The following KLHL32 variants were observed in gnomAD, a reference collection of about 807,000 sequenced individuals.
KLHL32 encodes the protein kelch like family member 32.
Under a neutral mutation model 64.8 loss-of-function variants are expected in KLHL32, and 35 were observed. The ratio of observed to expected loss-of-function variants is 0.54; its 90% CI spans 0.41 to 0.72. The LOEUF is 0.72. Among genes scored for constraint, KLHL32 ranks in the 30% least tolerant of loss-of-function variants. The probability of loss-of-function intolerance (pLI) is 0.00; values close to 1 mark genes in which losing one functional copy is unlikely to be tolerated. For missense variants in KLHL32, 589 were observed against 768.5 expected (o/e 0.77, Z 2.76); for synonymous variants, 259 against 281.0 (o/e 0.92, Z 0.78).
chr6:97,073,919 C>A (rs1458170245), intron 5 of KLHL32, among the ~76,000 whole-genome samples: 1 of 152,144 alleles, frequency 6.6e-6, no homozygotes, highest in Non-Finnish European at 1.5e-5. Context: ...AGGCTACCAA[C>A]CTTTTTCCTG....
chr6:97,130,002 G>C (rs747307391), intron 8 of KLHL32, among the ~76,000 whole-genome samples: 69 of 152,230 alleles, frequency 4.5e-4, no homozygotes, highest in Non-Finnish European at 8.7e-4. Context: ...TATTAAAGGA[G>C]GCTGATAAAA....
intron 1 of KLHL32, among the ~76,000 whole-genome samples, chr6:96,958,014 G>A (rs1043716451): frequency 6.6e-6 from 1 of 152,168 alleles, no homozygotes; most frequent in Non-Finnish European, 1.5e-5. Flanking sequence ...AGTCCATGAG[G>A]ATTTAAAACA....
chr6:97,105,321 C>T, intron 6 of KLHL32: 2 of 399,028 alleles, frequency 5.0e-6, no homozygotes, highest in South Asian at 3.8e-5. Flanking sequence ...AACACGCTTT[C>T]CTGGCTTCCT....
At chr6:96,928,561 T>G (rs995924930) in intron 1 of KLHL32, among the ~76,000 whole-genome samples, 5 of 152,058 alleles carry the variant, frequency 3.3e-5, no homozygotes, top group African/African-American at 9.7e-5. Context: ...GAACATAAAG[T>G]CAAGGGACAA....
chr6:97,035,567 C>G (rs531203606), intron 3 of KLHL32, among the ~76,000 whole-genome samples: 2 of 152,138 alleles, frequency 1.3e-5, no homozygotes, highest in African/African-American at 4.8e-5. Flanking sequence ...GAAAGACTTT[C>G]TCTTTCATTT....
At chr6:97,027,686 T>C (rs1782936815) in intron 3 of KLHL32, among the ~76,000 whole-genome samples, 1 of 152,220 alleles carries the variant, frequency 6.6e-6, no homozygotes, top group African/African-American at 2.4e-5. Flanking sequence ...CCACTTTCTT[T>C]CTTTTGAAAT....
the KLHL32 span, among the ~76,000 whole-genome samples, chr6:96,907,184 A>T: frequency 0.23 from 34,242 of 152,102 alleles, 3,981 homozygotes; most frequent in Admixed American, 0.32. Context: ...TGATTATGAA[A>T]ATTTCAAACA....
At chr6:97,043,567 TGGC>T (rs1785455459) in intron 4 of KLHL32, among the ~76,000 whole-genome samples, 1 of 152,204 alleles carries the variant, frequency 6.6e-6, no homozygotes, top group Non-Finnish European at 1.5e-5. Flanking sequence ...TCAGTTCCTT[TGGC>T]TATTACCCAG....
chr6:97,032,619 T>C (rs1783718364), intron 3 of KLHL32, among the ~76,000 whole-genome samples: 1 of 152,202 alleles, frequency 6.6e-6, no homozygotes, highest in Admixed American at 6.5e-5. Context: ...TGAGTCCTGC[T>C]GTATATACGG....
At position 97,127,502 on chromosome 6, in the gene KLHL32, G is replaced by T. The variant is rs192536856; in HGVS notation, c.1413+40G>T. On this transcript the variant is annotated intron_variant, in intron 8 of 10. Coordinates refer to ENST00000369261, the MANE Select transcript of KLHL32 (RefSeq NM_052904.4). ...AGAACACCTCATTATCTTAATTAAT[G>T]AATTTTAAAAGATTCCAGAGTAATT... The T allele has an allele frequency of 2.0e-6, 3 of 1,511,880 alleles. No homozygotes were observed. In the East Asian group the frequency reaches 6.8e-5, roughly 34 times the overall value. 93.7% of individuals were successfully genotyped at this position (1,511,880 alleles called of 1,614,324 possible).
chr6:97,038,132 A>G (rs929950092), intron 3 of KLHL32, among the ~76,000 whole-genome samples: 1 of 152,116 alleles, frequency 6.6e-6, no homozygotes, highest in Non-Finnish European at 1.5e-5. Flanking sequence ...TGGGATTAAG[A>G]CCCCAAAAAC....
intron 7 of KLHL32, among the ~76,000 whole-genome samples, chr6:97,121,118 T>C (rs538423034): frequency 1.3e-5 from 2 of 152,330 alleles, no homozygotes; most frequent in East Asian, 3.9e-4. Flanking sequence ...ACTTTGTTGA[T>C]TTACCCTCAC....
At chr6:97,028,718 CT>C (rs958321377) in intron 3 of KLHL32, among the ~76,000 whole-genome samples, 1 of 152,174 alleles carries the variant, frequency 6.6e-6, no homozygotes, top group Non-Finnish European at 1.5e-5. Flanking sequence ...GTGCCATTGG[CT>C]GCCATATGCG....
chr6:97,039,132 A>G (rs1300459735), intron 3 of KLHL32, among the ~76,000 whole-genome samples: 1 of 151,912 alleles, frequency 6.6e-6, no homozygotes, highest in Admixed American at 6.6e-5. Context: ...AAATGGAATT[A>G]ACTAAGTGCT....
chr6:97,127,167 C>T (rs767444468), intron 7 of KLHL32, among the ~76,000 whole-genome samples: 2 of 152,164 alleles, frequency 1.3e-5, no homozygotes, highest in Non-Finnish European at 2.9e-5. Flanking sequence ...AATTGGGGTC[C>T]TCTTGGTAAT....
intron 7 of KLHL32, among the ~76,000 whole-genome samples, chr6:97,125,137 C>G (rs1026146570): frequency 3.9e-5 from 6 of 152,160 alleles, no homozygotes; most frequent in Admixed American, 6.5e-5. Flanking sequence ...CTTAAATCTT[C>G]AAGCTTCTGA....
chr6:97,026,340 C>G (rs539508649), intron 3 of KLHL32, among the ~76,000 whole-genome samples: 21 of 151,966 alleles, frequency 1.4e-4, no homozygotes, highest in Non-Finnish European at 2.6e-4. Context: ...TCACTGTACC[C>G]TAGCCTGGGT....
chr6:97,112,277 T>C (rs1797245200), intron 6 of KLHL32, among the ~76,000 whole-genome samples: 1 of 152,212 alleles, frequency 6.6e-6, no homozygotes, highest in Non-Finnish European at 1.5e-5. Context: ...CTGGGAGATC[T>C]ACTTTAATGT....
intron 5 of KLHL32, among the ~76,000 whole-genome samples, chr6:97,079,674 C>G (rs9481264): frequency 0.01 from 1,531 of 152,130 alleles, 24 homozygotes; most frequent in African/African-American, 0.035. Flanking sequence ...CTCCTCTTCT[C>G]TTATTTAACT....
Sources: gnomAD v4.1 joint callset for allele counts (sites outside exome capture counted in the v4.1 genomes callset) on GRCh38, gnomAD v4.1.1 for gene constraint, MANE v1.5 for transcripts, NCBI Gene and HGNC (gene_info 2026-07-23, HGNC 2026-07-21) for gene names.